The following CACNA1D variants were observed in gnomAD, a reference collection of about 807,000 sequenced individuals.
The protein encoded by CACNA1D is calcium voltage-gated channel subunit alpha1 D.
In CACNA1D, 55 loss-of-function variants were observed where a neutral mutation model predicts 257.1. The ratio of observed to expected loss-of-function variants is 0.21; its 90% confidence interval spans 0.17 to 0.27. CACNA1D has a LOEUF of 0.27. CACNA1D is among the 10% of genes least tolerant of loss of function. The pLI is 1.00. For synonymous variants in CACNA1D, 980 were observed against 1,014.9 expected (o/e 0.97, Z 0.65); for missense variants, 1,876 against 2,784.0 (o/e 0.67, Z 7.34).
At chr3:53,575,583 A>G (rs709317) in intron 3 of CACNA1D, among the ~76,000 whole-genome samples, 132,670 of 152,192 alleles carry the variant, frequency 0.87, 57,864 homozygotes, top group Non-Finnish European at 0.87. Flanking sequence ...ATGGTGCACA[A>G]CATTGCAAGG....
chr3:53,682,383 A>AAAAAAC (rs1559509270), intron 8 of CACNA1D, among the ~76,000 whole-genome samples: 3 of 146,990 alleles, frequency 2.0e-5, no homozygotes, highest in East Asian at 3.9e-4. Flanking sequence ...AAAAAAAAAA[A>AAAAAAC]AAAAAAAAAA....
chr3:53,805,026 G>C lies in CACNA1D; in HGVS notation c.5629G>C (p.Asp1877His). 6.2e-7 allele frequency: 1 copy of C among 1,614,106 alleles called. No individual in the cohort carries two copies. The highest frequency in any genetic ancestry group is 8.5e-7 in the Non-Finnish European group (1 of 1,180,026). The change falls in exon 45 of 48, where the codon GAC becomes CAC. Residue 1877 changes from aspartate to histidine, a missense_variant. Asp to His is a moderately conservative substitution (Grantham distance 81). This residue lies in a region of CACNA1D where 491 missense variants were observed against 554.3 expected (regional missense o/e 0.89). Coordinates refer to ENST00000350061, the MANE Select transcript of CACNA1D (RefSeq NM_001128840.3). ...CAGCAGATACCCAGGCAGAAACATC[G>C]ACTCTGAGAGGCCCCGAGGCTACCA... ...YYSRYPGRNIDSERPRGYHHP... is the reference protein window; with the variant it reads ...YYSRYPGRNIHSERPRGYHHP...
rs370062211 is a variant in CACNA1D, at chr3:53,757,766, G to A, written c.3786+4084G>A. 3.0e-4 allele frequency among the ~76,000 whole-genome samples: 45 copies of A among 152,148 alleles called. 6 individuals are homozygous for A. Among genetic ancestry groups the A allele is most frequent in the East Asian group, 2.1e-3 (11 of 5,182 alleles). On this transcript the variant is annotated intron_variant, in intron 29 of 47. Coordinates refer to ENST00000350061, the MANE Select transcript of CACNA1D (RefSeq NM_001128840.3). ...ATGCTAGACCTTTCCCTGCCCATGC[G>A]CCTCTGTCTAGATACCCTGCTTCCT...
At position 53,774,343 on chromosome 3, in the gene CACNA1D, C is replaced by T; in HGVS notation, c.4111-244C>T. The T allele has an allele frequency of 2.0e-6, 1 of 493,784 alleles. No individual in the cohort carries two copies. The highest frequency in any genetic ancestry group is 3.7e-6 in the Non-Finnish European group (1 of 270,878). 30.6% of individuals were successfully genotyped at this position (493,784 alleles called of 1,614,324 possible). On this transcript the variant is annotated intron_variant, in intron 33 of 47. Transcript: ENST00000350061. The surrounding 1 kb of genome is among the most constrained non-coding windows in gnomAD (Gnocchi z 4.3). ...TGATGTTGCCTGGCTACCTTTGTGT[C>T]TCCCCCAGGGGAGATCCGCGAATGT...
intron 42 of CACNA1D, 120 bp downstream of exon 42, chr3:53,801,545 G>C (rs1389520478): frequency 7.6e-7 from 1 of 1,317,226 alleles, no homozygotes; most frequent in Non-Finnish European, 1.1e-6. Context: ...TTCCCCGTAG[G>C]CATTTGTGTC....
chr3:53,523,697 G>T (rs1371592227), intron 3 of CACNA1D, among the ~76,000 whole-genome samples: 1 of 152,170 alleles, frequency 6.6e-6, no homozygotes, highest in Non-Finnish European at 1.5e-5. Flanking sequence ...CTGCCTTCAG[G>T]CCCCCCTTTG....
chr3:53,643,804 C>T (rs1245690400), intron 3 of CACNA1D, among the ~76,000 whole-genome samples: 1 of 152,224 alleles, frequency 6.6e-6, no homozygotes, highest in African/African-American at 2.4e-5. Context: ...CCTTGTGCTT[C>T]AGCCATGTGG....
chr3:53,606,415 C>G (rs941377717), intron 3 of CACNA1D, among the ~76,000 whole-genome samples: 1 of 152,204 alleles, frequency 6.6e-6, no homozygotes, highest in Non-Finnish European at 1.5e-5. Flanking sequence ...CATGAATTAC[C>G]TTCAATTATG....
chr3:53,791,236 C>T (rs536308167), intron 40 of CACNA1D: 90 of 552,280 alleles, frequency 1.6e-4, no homozygotes, highest in South Asian at 2.8e-4. Flanking sequence ...CTGTCGCGGA[C>T]GTTGCTCACG....
chr3:53,709,529 G>A (rs1220092160), intron 9 of CACNA1D, among the ~76,000 whole-genome samples: 1 of 152,220 alleles, frequency 6.6e-6, no homozygotes. Context: ...AGGAACGTGA[G>A]TATTCTGCCT....
intron 45 of CACNA1D, 196 bp downstream of exon 45, chr3:53,805,342 C>A: frequency 1.6e-6 from 1 of 608,932 alleles, no homozygotes; most frequent in Admixed American, 2.8e-5. Context: ...GAGCTCTAGC[C>A]TCTTCAGTGC....
intron 22 of CACNA1D, among the ~76,000 whole-genome samples, chr3:53,743,388 G>A (rs2095135935): frequency 6.6e-6 from 1 of 152,206 alleles, no homozygotes; most frequent in South Asian, 2.1e-4. Flanking sequence ...TGACTAGGAG[G>A]GAGGGAATCT....
At chr3:53,719,261 T>C (rs987318454) in intron 10 of CACNA1D, among the ~76,000 whole-genome samples, 18 of 152,250 alleles carry the variant, frequency 1.2e-4, no homozygotes, top group African/African-American at 3.6e-4. Context: ...CTCCATTCTC[T>C]TGCTCTGCCC....
intron 3 of CACNA1D, among the ~76,000 whole-genome samples, chr3:53,626,540 G>C (rs546076480): frequency 1.3e-5 from 2 of 152,092 alleles, no homozygotes; most frequent in Non-Finnish European, 2.9e-5. Context: ...CTTCTAACCT[G>C]AGCCGAGGCC....
chr3:53,682,365 T>TAAAAAAAAAAAAAAAAAAAAAAAAAAAAA (rs3082718), intron 8 of CACNA1D, among the ~76,000 whole-genome samples: 5 of 47,366 alleles, frequency 1.1e-4, no homozygotes, highest in Admixed American at 2.8e-4. Context: ...TTGTCTCTGG[T>TAAAAAAAAAAAAAAAAAAAAAAAAAAAAA]AAAAAAAAAA....
Position 53,665,729 on chromosome 3 carries a change from T to C in CACNA1D, c.836T>C (p.Leu279Ser). 1 of 1,606,274 alleles carries C rather than the reference T, an allele frequency of 6.2e-7. No homozygotes were observed. Among genetic ancestry groups the C allele is most frequent in the Non-Finnish European group, 8.5e-7 (1 of 1,172,936 alleles). Reference sequence around the variant, plus strand: ...CTCCTTCACATAGCCCTTTTGGTATTATTTGTAATCATAATCTATGCTATT... The same window carrying C: ...CTCCTTCACATAGCCCTTTTGGTATCATTTGTAATCATAATCTATGCTATT... ...VPLLHIALLV[L>S]FVIIIYAIIG... The change falls in exon 6 of 48, where the codon TTA becomes TCA. Residue 279 changes from leucine (L) to serine (S), a missense_variant. Physicochemically the swap from Leu to Ser is moderately radical, Grantham distance 145. Transcript: ENST00000350061.
intron 40 of CACNA1D, chr3:53,791,245 C>T (rs906183771): frequency 5.9e-5 from 32 of 545,380 alleles, no homozygotes; most frequent in Admixed American, 2.3e-4. Flanking sequence ...ACGTTGCTCA[C>T]GGTGGTTCTT....
intron 11 of CACNA1D, among the ~76,000 whole-genome samples, chr3:53,720,892 C>T (rs931524323): frequency 1.3e-5 from 2 of 152,212 alleles, no homozygotes; most frequent in Non-Finnish European, 2.9e-5. Context: ...GCCCAGCCAT[C>T]CCACTTCTAA....
chr3:53,732,206 G>A, intron 18 of CACNA1D, 124 bp downstream of exon 18: 1 of 755,456 alleles, frequency 1.3e-6, no homozygotes, highest in South Asian at 1.4e-5. Flanking sequence ...AGGCCACCAA[G>A]GCCGTGGGAC....
Sources: allele counts gnomAD v4.1 joint callset (sites outside exome capture counted in the v4.1 genomes callset), GRCh38; gene constraint gnomAD v4.1.1; regional missense constraint gnomAD v4.1.1; non-coding constraint Gnocchi (gnomAD v3.1); transcripts MANE v1.5; gene names NCBI Gene and HGNC (gene_info 2026-07-23, HGNC 2026-07-21).